Variants in MFAP3L observed in about 807,000 individuals in gnomAD.
MFAP3L encodes microfibrillar-associated protein 3-like.
A neutral mutation model predicts 20.0 loss-of-function variants in MFAP3L; 5 were observed. The observed-to-expected ratio is 0.25, with a 90% CI of 0.13 to 0.53. MFAP3L has a LOEUF of 0.53. Among genes scored for constraint, MFAP3L ranks in the 20% least tolerant of loss-of-function variants. MFAP3L has a pLI of 0.96. For synonymous variants in MFAP3L, 219 were observed against 213.0 expected, an observed-to-expected ratio of 1.03 and a Z score of -0.25; for missense variants, 409 against 527.5, an observed-to-expected ratio of 0.78 and a Z score of 2.20.
At chr4:170,026,943 G>GTT, upstream of MFAP3L, 1 of 152,314 alleles carries the variant, frequency 6.6e-6, no homozygotes, top group Non-Finnish European at 1.5e-5. Flanking sequence ...CGACTGCGCT[G>GTT]TAAGTCTTAA....
intron 1 of MFAP3L, among the ~76,000 whole-genome samples, chr4:170,013,641 C>T (rs1049425448): frequency 6.6e-6 from 1 of 152,106 alleles, no homozygotes; most frequent in Admixed American, 6.5e-5. Context: ...TCAGATCAGA[C>T]CTGGGATTGT....
chr4:169,992,356 C>T lies in MFAP3L; in HGVS notation c.299-47G>A. ...AATTCAACCAAGGACACAGAGCTCC[C>T]ATGACTACAAACTGATACGTTTCTA... is the stretch of plus-strand genomic sequence containing the variant. On this transcript the variant is annotated intron_variant, in intron 2 of 2. Transcript: ENST00000361618. This position sits in a 1 kb window ranked among gnomAD's most constrained non-coding sequence, Gnocchi z 4.3. The T allele has an allele frequency of 2.0e-6, 3 of 1,467,462 alleles. No homozygotes were observed. Among genetic ancestry groups the T allele is most frequent in the South Asian group, 1.3e-5 (1 of 79,872 alleles). 90.9% of individuals were successfully genotyped at this position (1,467,462 alleles called of 1,614,324 possible). A position where few individuals can be genotyped will look rare whatever the true frequency, so the allele number is the denominator to read the frequency against.
intron 2 of MFAP3L, among the ~76,000 whole-genome samples, chr4:170,004,605 AGAT>A (rs1365608761): frequency 6.6e-6 from 1 of 152,202 alleles, no homozygotes; most frequent in Non-Finnish European, 1.5e-5. Context: ...GCTCCTAAGG[AGAT>A]ATACAGCATT....
At chr4:170,015,776 T>C (rs1262460604) in intron 1 of MFAP3L, among the ~76,000 whole-genome samples, 1 of 151,972 alleles carries the variant, frequency 6.6e-6, no homozygotes, top group East Asian at 1.9e-4. Flanking sequence ...CAGGCTGGAG[T>C]GAAGCCTGAG....
At chr4:170,021,196 C>T (rs1292190751) in intron 1 of MFAP3L, among the ~76,000 whole-genome samples, 2 of 152,196 alleles carry the variant, frequency 1.3e-5, no homozygotes, top group Non-Finnish European at 2.9e-5. Flanking sequence ...GCCCTCTGCA[C>T]TTCTGTAGAG....
intron 2 of MFAP3L, among the ~76,000 whole-genome samples, chr4:169,998,721 A>C (rs1050669239): frequency 6.6e-6 from 1 of 152,240 alleles, no homozygotes; most frequent in Non-Finnish European, 1.5e-5. Context: ...AAACAGATTA[A>C]AACTGTATTA....
chr4:169,998,965 GTGTT>G (rs1262920316), intron 2 of MFAP3L, among the ~76,000 whole-genome samples: 1 of 152,232 alleles, frequency 6.6e-6, no homozygotes, highest in African/African-American at 2.4e-5. Context: ...GCGTGCATAT[GTGTT>G]TGTATCTATA....
intron 2 of MFAP3L, chr4:169,994,646 C>T (rs1738001754): frequency 3.0e-6 from 2 of 676,958 alleles, no homozygotes; most frequent in Non-Finnish European, 3.6e-6. Context: ...TACTTACAGG[C>T]ACTTCAAACA....
chr4:169,997,802 C>CATTTT, intron 2 of MFAP3L: 1 of 940,302 alleles, frequency 1.1e-6, no homozygotes, highest in Non-Finnish European at 1.2e-6. Flanking sequence ...TTCATTAATT[C>CATTTT]TTTTTTTTTT....
At chr4:170,008,478 G>A (rs577227719) in intron 1 of MFAP3L, among the ~76,000 whole-genome samples, 1 of 152,148 alleles carries the variant, frequency 6.6e-6, no homozygotes, top group Non-Finnish European at 1.5e-5. Context: ...AGGATTTAGG[G>A]GATGGGAAGT....
chr4:170,017,758 C>T (rs760075388), intron 1 of MFAP3L, among the ~76,000 whole-genome samples: 4 of 152,138 alleles, frequency 2.6e-5, no homozygotes, highest in Non-Finnish European at 4.4e-5. Context: ...TGTCACAACA[C>T]GGCAAATTGT....
intron 2 of MFAP3L, among the ~76,000 whole-genome samples, chr4:169,997,267 G>C (rs1738247103): frequency 1.3e-5 from 2 of 152,072 alleles, no homozygotes; most frequent in Non-Finnish European, 1.5e-5. Context: ...CTGGAAATAG[G>C]AAGTCCTTTT....
intron 1 of MFAP3L, among the ~76,000 whole-genome samples, chr4:170,010,018 G>C (rs1329233006): frequency 6.6e-6 from 1 of 152,180 alleles, no homozygotes; most frequent in Non-Finnish European, 1.5e-5. Flanking sequence ...TAATTTGCGT[G>C]GGAATGATGC....
rs1218741372 is a variant in MFAP3L, at chr4:169,992,590, G to A, written c.299-281C>T. On this transcript the variant is annotated intron_variant, in intron 2 of 2. Coordinates refer to ENST00000361618, the MANE Select transcript of MFAP3L (RefSeq NM_021647.8). This position sits in a 1 kb window ranked among gnomAD's most constrained non-coding sequence, Gnocchi z 4.3. ...ACAACACTCCCAAGGGCACCGGCTT[G>A]GAAGCCGTAGAACTGAAGATGAACT... Among the ~76,000 whole-genome samples, 1 of 152,226 alleles carries A rather than the reference G, an allele frequency of 6.6e-6. No homozygotes were observed. Among genetic ancestry groups the A allele is most frequent in the Non-Finnish European group, 1.5e-5 (1 of 68,036 alleles).
Position 170,026,221 on chromosome 4 carries a change from G to C in MFAP3L, c.-134+13C>G, listed in dbSNP as rs6852552. The C allele has an allele frequency of 0.092, 90,340 of 984,182 alleles. 4,502 individuals are homozygous for C. The highest frequency in any genetic ancestry group is 0.1 in the Non-Finnish European group (82,529 of 829,238). The allele number at this position is 984,182 out of a possible 1,614,324, so 61.0% of individuals were successfully genotyped here. On this transcript the variant is annotated intron_variant, in intron 1 of 2. Coordinates refer to ENST00000361618, the MANE Select transcript of MFAP3L (RefSeq NM_021647.8). ...TGCCCCTCCGCCCCGGCCCGCCGGG[G>C]GCCCCCGCTAACCTGACACCGCCGC...
rs1737573544 is a variant in MFAP3L at position 169,990,380 on chromosome 4, T to C, written c.*998A>G. The C allele has an allele frequency of 6.6e-6, 1 of 152,476 alleles. No individual in the cohort carries two copies. Among genetic ancestry groups the C allele is most frequent in the Non-Finnish European group, 1.5e-5 (1 of 68,038 alleles). 9.4% of individuals were successfully genotyped at this position (152,476 alleles called of 1,614,324 possible). On this transcript the variant is annotated 3_prime_UTR_variant, in exon 3 of 3. Coordinates refer to ENST00000361618, the MANE Select transcript of MFAP3L (RefSeq NM_021647.8). Reference sequence around the variant, plus strand: ...TGGTTATATGTCATCCAACAGCATATGGTCCCTGCAAGCCTGTTTGGAAGC... The same window carrying C: ...TGGTTATATGTCATCCAACAGCATACGGTCCCTGCAAGCCTGTTTGGAAGC...
chr4:170,005,464 C>T (rs1384015294), intron 2 of MFAP3L, 116 bp downstream of exon 2: 11 of 1,196,550 alleles, frequency 9.2e-6, no homozygotes, highest in African/African-American at 1.5e-5. Context: ...CTTAGAAAAA[C>T]AAGACAAGAT....
chr4:170,003,800 G>A (rs1401966333), intron 2 of MFAP3L: 1 of 985,356 alleles, frequency 1.0e-6, no homozygotes, highest in African/African-American at 1.7e-5. Flanking sequence ...CTGGCCTGCA[G>A]TGTCTTTGTT....
At chr4:170,004,835 T>C (rs900327891) in intron 2 of MFAP3L, among the ~76,000 whole-genome samples, 1 of 152,114 alleles carries the variant, frequency 6.6e-6, no homozygotes, top group African/African-American at 2.4e-5. Flanking sequence ...ACACAGTAAA[T>C]GCCTAGGAAA....
Sources: allele counts gnomAD v4.1 joint callset (sites outside exome capture counted in the v4.1 genomes callset), GRCh38; gene constraint gnomAD v4.1.1; non-coding constraint Gnocchi (gnomAD v3.1); transcripts MANE v1.5; gene names NCBI Gene and HGNC (gene_info 2026-07-23, HGNC 2026-07-21).